Variants in TSPO2 observed in about 807,000 individuals in gnomAD.
TSPO2 encodes benzodiazapine receptor (peripheral)-like 1.
In TSPO2, 15 loss-of-function variants were observed where a neutral mutation model predicts 13.3. That is an observed-to-expected ratio of 1.13 (90% confidence interval 0.75 to 1.73). The LOEUF (loss-of-function observed/expected upper bound fraction) is 1.73, where lower values mean the gene tolerates loss of function less well. Among genes scored for constraint, TSPO2 ranks in the 40% most tolerant of loss-of-function variants. The pLI, the probability that TSPO2 is intolerant of heterozygous loss-of-function variation, is 0.00. For missense variants in TSPO2, 202 were observed against 198.3 expected (o/e 1.02, Z -0.11); for synonymous variants, 81 against 91.6 (o/e 0.88, Z 0.66).
intron 2 of TSPO2, 75 bp from the exon 3 acceptor site, chr6:41,043,482 C>T (rs1762623215): frequency 1.3e-6 from 2 of 1,515,466 alleles, no homozygotes; most frequent in Admixed American, 2.1e-5. Flanking sequence ...TCCAAGAGTC[C>T]TTATGCCAGA....
Position 41,042,723 on chromosome 6 carries a change from G to A in TSPO2, c.-76G>A, listed in dbSNP as rs1441208548. The A allele has an allele frequency of 1.5e-6, 1 of 646,356 alleles. No individual in the cohort carries two copies. Among genetic ancestry groups the A allele is most frequent in the Non-Finnish European group, 2.9e-6 (1 of 349,442 alleles). 40.0% of individuals were successfully genotyped at this position (646,356 alleles called of 1,614,324 possible). A position where few individuals can be genotyped will look rare whatever the true frequency, so the allele number is the denominator to read the frequency against. On this transcript the variant is annotated 5_prime_UTR_variant, in exon 1 of 4. The change creates a new upstream start codon in the 5' untranslated region. Coordinates refer to ENST00000373161, the MANE Select transcript of TSPO2 (RefSeq NM_001010873.3). ...ACCAGTGCTGGGCAGTGTCCTCCAAGTGCCAGAGGAGTGCTGTGGAGAAAA... is the reference window on the plus strand; with the variant it reads ...ACCAGTGCTGGGCAGTGTCCTCCAAATGCCAGAGGAGTGCTGTGGAGAAAA...
intron 2 of TSPO2, 38 bp downstream of exon 2, chr6:41,043,196 A>T: frequency 6.3e-7 from 1 of 1,579,116 alleles, no homozygotes; most frequent in Non-Finnish European, 8.6e-7. Flanking sequence ...CTGGTACCCA[A>T]TGGGGTGGGA....
In TSPO2 at chr6:41,043,152, T is replaced by C. The variant is rs527970552; in HGVS notation, c.167T>C (p.Val56Ala). 1.1e-5 allele frequency: 18 copies of C among 1,610,572 alleles called. No homozygotes were observed. Among genetic ancestry groups the C allele is most frequent in the Admixed American group, 1.7e-5 (1 of 59,564 alleles). ...LLLVQTAIYS[V>A]VGYASYLVWK... Reference sequence around the variant, plus strand: ...CTTGTACAGACAGCCATCTACTCTGTCGTGGGGTGAGTACTTGTTTCTCAC... The same window carrying C: ...CTTGTACAGACAGCCATCTACTCTGCCGTGGGGTGAGTACTTGTTTCTCAC... The change falls in exon 2 of 4, where the codon GTC becomes GCC. Residue 56 changes from valine (V) to alanine (A), a missense_variant. Val to Ala is a moderately conservative substitution (Grantham distance 64). Transcript: ENST00000373161.
rs1380294696 is a variant in TSPO2 at position 41,043,707 on chromosome 6, C to T, written c.315+9C>T. The stretch of plus-strand genomic sequence containing the variant: ...TCCACAACCCTGGTCTGGTAAGGCA[C>T]ACAGTGCTCAGTAGCAGAAGTAATG... On this transcript the variant is annotated intron_variant, in intron 3 of 3. Transcript: ENST00000373161. 6 of 1,590,534 alleles carry T rather than the reference C, an allele frequency of 3.8e-6. No homozygotes were observed. Among genetic ancestry groups the T allele is most frequent in the Non-Finnish European group, 5.1e-6 (6 of 1,167,436 alleles).
At position 41,043,010 on chromosome 6, in the gene TSPO2, G is replaced by C. The variant is rs1215413712; in HGVS notation, c.25G>C (p.Val9Leu). 3.1e-6 allele frequency: 5 copies of C among 1,614,030 alleles called. No individual in the cohort carries two copies. The highest frequency in any genetic ancestry group is 3.3e-4 in the Middle Eastern group (2 of 6,062). The part of the protein sequence containing the change: MRLQGAIF[V>L]LLPHLGPILV... ...AATGCGGCTTCAAGGGGCTATCTTT[G>C]TGCTCCTGCCCCACCTGGGGCCCAT... Residue 9 changes from valine to leucine, a missense_variant, in exon 2 of 4, where the codon GTG becomes CTG. By Grantham distance (32) the Val-to-Leu change is conservative. Coordinates refer to ENST00000373161, the MANE Select transcript of TSPO2 (RefSeq NM_001010873.3).
rs957551628 is a variant in TSPO2, at chr6:41,043,613, C to A, written c.230C>A (p.Ala77Asp). The change falls in exon 3 of 4, where the codon GCC becomes GAC. Residue 77 changes from alanine to aspartate, a missense_variant. Ala to Asp is a moderately radical substitution (Grantham distance 126). Coordinates refer to ENST00000373161, the MANE Select transcript of TSPO2 (RefSeq NM_001010873.3). ...GGAGGGGGCTTGGGGTGGCCCCTGG[C>A]CCTGCCTCTTGGCCTCTATGCTGTT... ...DLGGGLGWPL[A>D]LPLGLYAVQL... The A allele has an allele frequency of 2.5e-6, 4 of 1,613,202 alleles. No homozygotes were observed. The South Asian group carries it at 4.4e-5, about 18-fold the overall frequency.
At chr6:41,042,938 A>G (rs1312550963) in intron 1 of TSPO2, 28 bp from the exon 2 acceptor site, 2 of 1,607,620 alleles carry the variant, frequency 1.2e-6, no homozygotes, top group East Asian at 4.5e-5. Context: ...GGGAAGGCTC[A>G]TCACTAGCAT....
chr6:41,043,801 A>G, intron 3 of TSPO2, 103 bp downstream of exon 3: 1 of 1,542,728 alleles, frequency 6.5e-7, no homozygotes, highest in Non-Finnish European at 8.8e-7. Context: ...GCAGGCAGGT[A>G]ATGGGTGGGC....
chr6:41,043,112 T>C lies in TSPO2; in HGVS notation c.127T>C (p.Tyr43His). 1 of 1,614,112 alleles carries C rather than the reference T, an allele frequency of 6.2e-7. No individual in the cohort carries two copies. The change falls in exon 2 of 4, where the codon TAC becomes CAC. Residue 43 changes from tyrosine (Y) to histidine (H), a missense_variant. Tyr to His is a moderately conservative substitution (Grantham distance 83). Coordinates refer to ENST00000373161, the MANE Select transcript of TSPO2 (RefSeq NM_001010873.3). The stretch of plus-strand genomic sequence containing the variant: ...GAGGATGCTGTCCTGGTGCCCATTC[T>C]ACAAAGTCTTATTGCTTGTACAGAC... ...GPRMLSWCPF[Y>H]KVLLLVQTAI...
At chr6:41,043,232 C>T in intron 2 of TSPO2, 74 bp downstream of exon 2, 2 of 1,508,022 alleles carry the variant, frequency 1.3e-6, no homozygotes, top group East Asian at 2.3e-5. Context: ...CTGAATTACT[C>T]CCATATATTG....
Position 41,043,676 on chromosome 6 carries a change from T to C in TSPO2, c.293T>C (p.Phe98Ser), listed in dbSNP as rs1463653653. The C allele has an allele frequency of 5.6e-6, 9 of 1,610,028 alleles. No individual in the cohort carries two copies. The South Asian group carries it at 8.8e-5, about 16-fold the overall frequency. Residue 98 changes from phenylalanine to serine, a missense_variant, in exon 3 of 4, where the codon TTC (phenylalanine) becomes TCC (serine). Phe to Ser is a radical substitution (Grantham distance 155). Transcript: ENST00000373161. ...AGCTGGACTGTCCTGGTTCTCTTTTTCACAGTCCACAACCCTGGTCTGGTA... is the reference window on the plus strand; with the variant it reads ...AGCTGGACTGTCCTGGTTCTCTTTTCCACAGTCCACAACCCTGGTCTGGTA... The part of the protein sequence containing the change: ...TISWTVLVLF[F>S]TVHNPGLALL...
chr6:41,041,880 C>T (rs532497496), upstream of TSPO2, among the ~76,000 whole-genome samples: 1 of 151,820 alleles, frequency 6.6e-6, no homozygotes, highest in South Asian at 2.1e-4. Context: ...GAGGCTGAGA[C>T]AGGAGAATCA....
rs771174649 is a variant in TSPO2, at chr6:41,043,646, C to T, written c.263C>T (p.Thr88Ile). 5.6e-6 allele frequency: 9 copies of T among 1,613,332 alleles called. No individual in the cohort carries two copies. In the African/African-American group the frequency reaches 6.7e-5, roughly 12 times the overall value. The change falls in exon 3 of 4, where the codon ACC becomes ATC. Residue 88 changes from threonine (T) to isoleucine (I), a missense_variant. Physicochemically the swap from Thr to Ile is moderately conservative, Grantham distance 89. Transcript: ENST00000373161. ...LPLGLYAVQL[T>I]ISWTVLVLFF... ...CTTGGCCTCTATGCTGTTCAGCTCACCATCAGCTGGACTGTCCTGGTTCTC... is the reference window on the plus strand; with the variant it reads ...CTTGGCCTCTATGCTGTTCAGCTCATCATCAGCTGGACTGTCCTGGTTCTC...
upstream of TSPO2, among the ~76,000 whole-genome samples, chr6:41,041,392 C>T (rs1257930083): frequency 1.3e-5 from 2 of 152,124 alleles, no homozygotes; most frequent in Non-Finnish European, 2.9e-5. Context: ...CATCATATGT[C>T]ATCAGGCCCC....
In TSPO2 at chr6:41,043,098, C is replaced by T. The variant is rs778648931; in HGVS notation, c.113C>T (p.Ser38Phe). The T allele has an allele frequency of 6.2e-7, 1 of 1,614,102 alleles. No individual in the cohort carries two copies. Among genetic ancestry groups the T allele is most frequent in the Non-Finnish European group, 8.5e-7 (1 of 1,180,004 alleles). ...SGWCEGPRML[S>F]WCPFYKVLLL... is the part of the protein sequence containing the mutation. ...TGGTGTGAGGGCCCGAGGATGCTGT[C>T]CTGGTGCCCATTCTACAAAGTCTTA... is the stretch of plus-strand genomic sequence containing the variant. The change falls in exon 2 of 4, where the codon TCC becomes TTC. Residue 38 changes from serine to phenylalanine, a missense_variant. By Grantham distance (155) the Ser-to-Phe change is radical (BLOSUM62 -2). Coordinates refer to ENST00000373161, the MANE Select transcript of TSPO2 (RefSeq NM_001010873.3).
Position 41,042,976 on chromosome 6 carries a change from T to C in TSPO2, c.-10T>C, listed in dbSNP as rs986396473. 1.2e-6 allele frequency: 2 copies of C among 1,613,454 alleles called. No homozygotes were observed. Among genetic ancestry groups the C allele is most frequent in the African/African-American group, 2.7e-5 (2 of 74,918 alleles). The stretch of plus-strand genomic sequence containing the variant: ...TCTCTGCCTCCCCAGATTTTGCCTC[T>C]TCAAGGTGAATGCGGCTTCAAGGGG... On this transcript the variant is annotated 5_prime_UTR_variant, in exon 2 of 4. Coordinates refer to ENST00000373161, the MANE Select transcript of TSPO2 (RefSeq NM_001010873.3).
At chr6:41,043,832 G>C in intron 3 of TSPO2, 108 bp from the exon 4 acceptor site, 5 of 1,527,846 alleles carry the variant, frequency 3.3e-6, no homozygotes, top group Non-Finnish European at 4.5e-6. Flanking sequence ...GCACTCCCAT[G>C]GTGTGCACAG....
In TSPO2 at chr6:41,043,555, A is replaced by G; in HGVS notation, c.174-2A>G. The G allele has an allele frequency of 6.4e-7, 1 of 1,574,244 alleles. No individual in the cohort carries two copies. Among genetic ancestry groups the G allele is most frequent in the Non-Finnish European group, 8.6e-7 (1 of 1,161,928 alleles). On this transcript the variant is annotated splice_acceptor_variant, in intron 2 of 3. Transcript: ENST00000373161. LOFTEE classifies it high-confidence loss of function. Reference sequence around the variant, plus strand: ...AATGTTTTTGCCACCATGTCTCCACAGCTATGCCTCCTACCTGGTGTGGAA... The same window carrying G: ...AATGTTTTTGCCACCATGTCTCCACGGCTATGCCTCCTACCTGGTGTGGAA...
intron 2 of TSPO2, 69 bp from the exon 3 acceptor site, chr6:41,043,488 C>T: frequency 6.6e-7 from 1 of 1,520,758 alleles, no homozygotes. Context: ...AGTCCTTATG[C>T]CAGAGAGCCT....
Sources: gnomAD v4.1 joint callset for allele counts (sites outside exome capture counted in the v4.1 genomes callset) on GRCh38, gnomAD v4.1.1 for gene constraint, MANE v1.5 for transcripts, NCBI Gene and HGNC (gene_info 2026-07-23, HGNC 2026-07-21) for gene names.